LUZP2: variants seen among roughly 807,000 people sequenced by gnomAD.
The protein encoded by LUZP2 is leucine zipper protein 2.
In LUZP2, 52 loss-of-function variants were observed where a neutral mutation model predicts 51.6. The ratio of observed to expected loss-of-function variants is 1.01; its 90% confidence interval spans 0.81 to 1.27. The LOEUF (loss-of-function observed/expected upper bound fraction) is 1.27, where lower values mean the gene tolerates loss of function less well. LUZP2 is among the 50% of genes most tolerant of loss of function. The probability of loss-of-function intolerance (pLI) is 0.00; values close to 1 mark genes in which losing one functional copy is unlikely to be tolerated. For missense variants in LUZP2, 436 were observed against 395.4 expected, an observed-to-expected ratio of 1.10 and a Z score of -0.87; for synonymous variants, 154 against 137.3, an observed-to-expected ratio of 1.12 and a Z score of -0.85.
intron 7 of LUZP2, among the ~76,000 whole-genome samples, chr11:24,939,443 G>A (rs1854682662): frequency 6.6e-6 from 1 of 151,984 alleles, no homozygotes; most frequent in Non-Finnish European, 1.5e-5. Context: ...TCAAAGTTCA[G>A]TAAACCTATT....
intron 1 of LUZP2, among the ~76,000 whole-genome samples, chr11:24,636,114 A>G (rs1855098180): frequency 6.6e-6 from 1 of 152,178 alleles, no homozygotes; most frequent in Non-Finnish European, 1.5e-5. Context: ...TCTGGGAACC[A>G]GGAAGATTTT....
chr11:24,897,215 C>T (rs10834536), intron 5 of LUZP2, among the ~76,000 whole-genome samples: 10,631 of 152,114 alleles, frequency 0.07, 1,193 homozygotes, highest in African/African-American at 0.24. Context: ...ATCAGCACTC[C>T]GTAAAATGGG....
chr11:24,971,017 C>T (rs550101534), intron 7 of LUZP2, among the ~76,000 whole-genome samples: 1 of 152,044 alleles, frequency 6.6e-6, no homozygotes, highest in Non-Finnish European at 1.5e-5. Context: ...AAGATGGAGG[C>T]CATAATCCTA....
chr11:25,061,343 C>T (rs1385922022), intron 10 of LUZP2, among the ~76,000 whole-genome samples: 3 of 152,118 alleles, frequency 2.0e-5, no homozygotes, highest in African/African-American at 7.2e-5. Context: ...TGTCAGTTGG[C>T]AGTTTATTGC....
intron 9 of LUZP2, among the ~76,000 whole-genome samples, chr11:25,024,065 GT>G (rs1857415619): frequency 6.6e-6 from 1 of 152,218 alleles, no homozygotes; most frequent in African/African-American, 2.4e-5. Flanking sequence ...TATGTGGTCA[GT>G]TTTGGAGTAA....
chr11:25,063,242 A>T (rs1427246244), intron 10 of LUZP2, among the ~76,000 whole-genome samples: 1 of 151,808 alleles, frequency 6.6e-6, no homozygotes, highest in Non-Finnish European at 1.5e-5. Flanking sequence ...ATGGGAGAGC[A>T]TGTGTAGATT....
At chr11:24,993,913 T>C (rs6484092) in intron 9 of LUZP2, among the ~76,000 whole-genome samples, 151,827 of 152,166 alleles carry the variant, frequency 1, 75,744 homozygotes, top group Middle Eastern at 1. Flanking sequence ...CAGGCTGGAG[T>C]GCAGTGGTGC....
At chr11:25,022,917 T>C (rs530862649) in intron 9 of LUZP2, among the ~76,000 whole-genome samples, 33 of 152,194 alleles carry the variant, frequency 2.2e-4, no homozygotes, top group Non-Finnish European at 4.4e-4. Flanking sequence ...CATGTGATTT[T>C]TGTCTTTGGT....
intron 7 of LUZP2, among the ~76,000 whole-genome samples, chr11:24,947,490 C>G (rs1289823736): frequency 2.0e-5 from 3 of 151,950 alleles, no homozygotes; most frequent in African/African-American, 7.2e-5. Flanking sequence ...CAAGTGTTAA[C>G]TATATAATCT....
chr11:24,548,006 T>C (rs572245324), intron 1 of LUZP2, among the ~76,000 whole-genome samples: 5 of 152,114 alleles, frequency 3.3e-5, no homozygotes, highest in African/African-American at 1.2e-4. Flanking sequence ...TGAGATATCA[T>C]CTCATACAAG....
Position 24,745,023 on chromosome 11 carries a change from G to A in LUZP2, c.333+6721G>A, listed in dbSNP as rs550284394. ...TCCATGTATTTGCATGGTTTTGAAG[G>A]TTTCTTTTGGAGTTGATTTCCAGTT... On this transcript the variant is annotated intron_variant, in intron 4 of 11. Transcript: ENST00000336930. Among the ~76,000 whole-genome samples, 11 of 152,218 alleles carry A rather than the reference G, an allele frequency of 7.2e-5. 1 individual carries two copies. The highest frequency in any genetic ancestry group is 2.4e-4 in the African/African-American group (10 of 41,536).
chr11:24,612,986 G>A (rs1396838), intron 1 of LUZP2, among the ~76,000 whole-genome samples: 27,368 of 151,934 alleles, frequency 0.18, 2,727 homozygotes, highest in African/African-American at 0.26. Flanking sequence ...AGCAGTTACA[G>A]CATCTTTGTG....
chr11:24,879,017 A>G (rs1852367431), intron 5 of LUZP2, among the ~76,000 whole-genome samples: 1 of 152,000 alleles, frequency 6.6e-6, no homozygotes, highest in Non-Finnish European at 1.5e-5. Flanking sequence ...CCCAGACTGG[A>G]GTACAGTGGC....
intron 5 of LUZP2, among the ~76,000 whole-genome samples, chr11:24,849,643 A>T (rs961763140): frequency 6.6e-6 from 1 of 152,094 alleles, no homozygotes; most frequent in Non-Finnish European, 1.5e-5. Flanking sequence ...ATGTACCTAT[A>T]ATTGGGATTG....
intron 4 of LUZP2, among the ~76,000 whole-genome samples, chr11:24,743,537 C>T (rs938805403): frequency 1.4e-4 from 22 of 152,006 alleles, no homozygotes; most frequent in African/African-American, 5.1e-4. Flanking sequence ...GTACAGTAAT[C>T]TTCTATCCAG....
At chr11:25,013,845 C>A (rs1460477233) in intron 9 of LUZP2, among the ~76,000 whole-genome samples, 1 of 151,910 alleles carries the variant, frequency 6.6e-6, no homozygotes, top group Non-Finnish European at 1.5e-5. Flanking sequence ...GTGTGCTGCA[C>A]CCATTAGCTC....
At chr11:24,668,830 G>A (rs1328971239) in intron 1 of LUZP2, among the ~76,000 whole-genome samples, 1 of 152,100 alleles carries the variant, frequency 6.6e-6, no homozygotes, top group African/African-American at 2.4e-5. Flanking sequence ...TGGAGGCAAG[G>A]ATCAAAGTGT....
At chr11:24,931,305 G>T (rs1032623987) in intron 7 of LUZP2, among the ~76,000 whole-genome samples, 1 of 151,932 alleles carries the variant, frequency 6.6e-6, no homozygotes, top group East Asian at 1.9e-4. Flanking sequence ...GTTGGATTGG[G>T]TTAATTCAAA....
At chr11:24,669,106 A>G (rs578149358) in intron 1 of LUZP2, among the ~76,000 whole-genome samples, 37 of 152,318 alleles carry the variant, frequency 2.4e-4, no homozygotes, top group African/African-American at 8.7e-4. Flanking sequence ...GAACCAAGTT[A>G]AAGACCCAGC....
Sources: allele counts gnomAD v4.1 joint callset (sites outside exome capture counted in the v4.1 genomes callset), GRCh38; gene constraint gnomAD v4.1.1; transcripts MANE v1.5; gene names NCBI Gene and HGNC (gene_info 2026-07-23, HGNC 2026-07-21).